BTD: variants seen among roughly 807,000 people sequenced by gnomAD.
The protein encoded by BTD is biotinidase, also known as biocytinase.
Under a neutral mutation model 17.7 loss-of-function variants are expected in BTD, and 13 were observed. That is an observed-to-expected ratio of 0.74 (90% CI 0.48 to 1.17). BTD has a LOEUF of 1.17. Among genes scored for constraint, BTD ranks in the 50% most tolerant of loss-of-function variants. BTD has a pLI of 0.00. For missense variants in BTD, 674 were observed against 650.4 expected (o/e 1.04, Z -0.39); for synonymous variants, 240 against 245.2 (o/e 0.98, Z 0.20).
rs146761039 is a variant in BTD at position 15,719,252 on chromosome 3, C to T, written c.1016-2518C>T. ...TTGCTGTTACAGCTGTCAGAATTGA[C>T]CCGTGGCATCATTAAAGGCTTCACT... On this transcript the variant is annotated intron_variant, in intron 4 of 4. Coordinates refer to the BTD transcript ENST00000672427. Among the ~76,000 whole-genome samples the T allele has an allele frequency of 9.8e-3, 1,484 of 152,160 alleles. 13 individuals are homozygous for T. The highest frequency in any genetic ancestry group is 0.017 in the Admixed American group (255 of 15,280).
intron 3 of BTD, among the ~76,000 whole-genome samples, chr3:15,680,227 T>TG (rs1228395808): frequency 1.3e-5 from 2 of 152,198 alleles, no homozygotes; most frequent in Non-Finnish European, 2.9e-5. Context: ...TTATTTTAGA[T>TG]GGAGTCTCAC....
intron 3 of BTD, among the ~76,000 whole-genome samples, chr3:15,698,940 C>T (rs1256390838): frequency 1.3e-5 from 2 of 152,186 alleles, no homozygotes; most frequent in East Asian, 3.8e-4. Flanking sequence ...CAAGACAATC[C>T]TAAGCCAAAA....
intron 3 of BTD, among the ~76,000 whole-genome samples, chr3:15,675,277 A>AAACAAC (rs550059526): frequency 6.6e-6 from 1 of 152,092 alleles, no homozygotes; most frequent in Non-Finnish European, 1.5e-5. Flanking sequence ...TCTCAAAAAC[A>AAACAAC]AACAACAACA....
intron 3 of BTD, among the ~76,000 whole-genome samples, chr3:15,671,353 G>A (rs190319892): frequency 8.5e-5 from 13 of 152,234 alleles, no homozygotes; most frequent in Admixed American, 2.6e-4. Flanking sequence ...ATAGTGTGAT[G>A]CCAAGCTTCA....
chr3:15,713,402 G>A, downstream of BTD: 5 of 688,772 alleles, frequency 7.3e-6, 1 homozygote, highest in South Asian at 9.5e-5. Flanking sequence ...ACAAAAGAAA[G>A]TTCAAGCAAT....
chr3:15,630,407 CTG>C (rs1559589409), intron 1 of BTD, among the ~76,000 whole-genome samples: 1 of 152,182 alleles, frequency 6.6e-6, no homozygotes, highest in Non-Finnish European at 1.5e-5. Context: ...GAAAGACAGA[CTG>C]TTATTCAAAT....
intron 3 of BTD, among the ~76,000 whole-genome samples, chr3:15,671,659 C>T (rs1025463213): frequency 4.0e-5 from 6 of 150,754 alleles, no homozygotes; most frequent in African/African-American, 1.5e-4. Context: ...ACTTGGCTCA[C>T]TGCAACCTTT....
In BTD at chr3:15,653,586, G is replaced by A. The variant is rs2065838749; in HGVS notation, c.*8098G>A. 6.6e-6 allele frequency among the ~76,000 whole-genome samples: 1 copy of A among 152,154 alleles called. No homozygotes were observed. The highest frequency in any genetic ancestry group is 2.4e-5 in the African/African-American group (1 of 41,420). On this transcript the variant is annotated 3_prime_UTR_variant, in exon 4 of 4. Transcript: ENST00000643237. ...ATTATTTTTGTTTTGTTTGACTAAA[G>A]GCAATTATATTTACATTTTCTCTAA...
In BTD at chr3:15,645,789, A is replaced by G; in HGVS notation, c.*301A>G. The G allele has an allele frequency of 3.1e-6, 1 of 322,948 alleles. No individual in the cohort carries two copies. Among genetic ancestry groups the G allele is most frequent in the Non-Finnish European group, 5.7e-6 (1 of 175,980 alleles). The allele number at this position is 322,948 out of a possible 1,614,324, so 20.0% of individuals were successfully genotyped here. A position where few individuals can be genotyped will look rare whatever the true frequency, so the allele number is the denominator to read the frequency against. On this transcript the variant is annotated 3_prime_UTR_variant, in exon 4 of 4. Transcript: ENST00000643237. ...CGATTGGTCTCAAGCTAAAACAAAA[A>G]TAAATGTCAGTTTATATTTTACACA...
chr3:15,662,519 C>G (rs1170504860), intron 3 of BTD, among the ~76,000 whole-genome samples: 1 of 152,184 alleles, frequency 6.6e-6, no homozygotes, highest in African/African-American at 2.4e-5. Context: ...TTCTGATTTT[C>G]TACATAAATG....
chr3:15,619,363 C>G (rs926175086), intron 1 of BTD, among the ~76,000 whole-genome samples: 6 of 152,202 alleles, frequency 3.9e-5, no homozygotes, highest in Non-Finnish European at 8.8e-5. Flanking sequence ...CTCTGTCACA[C>G]CAGCTGGAGT....
At chr3:15,711,955 CA>C (rs778897377) in exon 4 of BTD, among the ~76,000 whole-genome samples, 20 of 152,170 alleles carry the variant, frequency 1.3e-4, no homozygotes, top group Non-Finnish European at 2.5e-4. Context: ...CTCGGCCTCC[CA>C]AAGTGCTGGG....
intron 3 of BTD, among the ~76,000 whole-genome samples, chr3:15,681,307 T>C (rs961555717): frequency 1.3e-5 from 2 of 152,194 alleles, no homozygotes; most frequent in African/African-American, 4.8e-5. Flanking sequence ...CTGATGGACA[T>C]TCAGTTGAAT....
chr3:15,679,313 T>C, intron 3 of BTD: 2 of 1,613,972 alleles, frequency 1.2e-6, no homozygotes, highest in Non-Finnish European at 1.7e-6. Flanking sequence ...TCCTTTTGAA[T>C]CTGTGGCGTT....
chr3:15,650,369 AT>A lies in BTD; in HGVS notation c.*4887del, dbSNP rs1245935411. On this transcript the variant is annotated 3_prime_UTR_variant, in exon 4 of 4. Coordinates refer to ENST00000643237, the MANE Select transcript of BTD (RefSeq NM_001370658.1). Reference sequence around the variant, plus strand: ...GAACTCTAGGCATCATGCATATATAATTTTTTGTAGATAACTTTTCTTCTCA... The same window carrying A: ...GAACTCTAGGCATCATGCATATATAATTTTTGTAGATAACTTTTCTTCTCA... 1.3e-5 allele frequency among the ~76,000 whole-genome samples: 2 copies of A among 152,122 alleles called. No individual in the cohort carries two copies. Among genetic ancestry groups the A allele is most frequent in the African/African-American group, 4.8e-5 (2 of 41,428 alleles).
At chr3:15,660,326 A>G (rs903162583) in intron 3 of BTD, among the ~76,000 whole-genome samples, 2 of 152,232 alleles carry the variant, frequency 1.3e-5, no homozygotes, top group African/African-American at 4.8e-5. Flanking sequence ...CTTAGCTGCT[A>G]TTCATGTGGT....
rs546961063 is a variant in BTD at position 15,618,714 on chromosome 3, A to G, written c.-16-16710A>G. ...CTAATGTTTTGTATTTTTCATAGAG[A>G]TGGGGTTTCACCATGTTAGCCAGGA... On this transcript the variant is annotated intron_variant, in intron 1 of 3. Transcript: ENST00000643237. Among the ~76,000 whole-genome samples the G allele has an allele frequency of 1.1e-4, 16 of 152,126 alleles. No individual in the cohort carries two copies. In the East Asian group the frequency reaches 2.9e-3, roughly 28 times the overall value.
At chr3:15,624,708 A>G (rs1461898655) in intron 1 of BTD, among the ~76,000 whole-genome samples, 1 of 151,898 alleles carries the variant, frequency 6.6e-6, no homozygotes, top group African/African-American at 2.4e-5. Context: ...CATCCCTGCC[A>G]TATCTGACTC....
intron 1 of BTD, among the ~76,000 whole-genome samples, chr3:15,616,135 A>G (rs1214954918): frequency 6.6e-6 from 1 of 152,200 alleles, no homozygotes; most frequent in Non-Finnish European, 1.5e-5. Context: ...TTTTGGAGAC[A>G]TAAGTTTTCT....
Sources: allele counts gnomAD v4.1 joint callset (sites outside exome capture counted in the v4.1 genomes callset), GRCh38; gene constraint gnomAD v4.1.1; transcripts MANE v1.5; gene names NCBI Gene and HGNC (gene_info 2026-07-23, HGNC 2026-07-21).